Variants in RTN1 observed in about 807,000 individuals in gnomAD.
The protein encoded by RTN1 is reticulon-1.
Under a neutral mutation model 65.5 loss-of-function variants are expected in RTN1, and 25 were observed. The ratio of observed to expected loss-of-function variants is 0.38; its 90% CI spans 0.28 to 0.53. RTN1 has a LOEUF of 0.53. Ranked by LOEUF, RTN1 falls within the 20% of genes least tolerant of loss-of-function variation. RTN1 has a pLI of 0.79. For missense variants in RTN1, 983 were observed against 1,025.4 expected, an observed-to-expected ratio of 0.96 and a Z score of 0.57; for synonymous variants, 471 against 447.6, an observed-to-expected ratio of 1.05 and a Z score of -0.66.
Position 59,656,314 on chromosome 14 carries a change from A to G in RTN1, c.1766-48822T>C, listed in dbSNP as rs1594657353. Among the ~76,000 whole-genome samples, 10 of 152,338 alleles carry G rather than the reference A, an allele frequency of 6.6e-5. No homozygotes were observed. The South Asian group carries it at 1.9e-3, about 28-fold the overall frequency. On this transcript the variant is annotated intron_variant, in intron 3 of 8. Transcript: ENST00000267484. ...AACTGCATAACTTTGTGAATATGCT[A>G]AAAACTACTGAACTTTTAAAAGGGT...
At chr14:59,823,586 C>T (rs564873178) in intron 1 of RTN1, among the ~76,000 whole-genome samples, 2 of 152,230 alleles carry the variant, frequency 1.3e-5, no homozygotes, top group South Asian at 4.1e-4. Context: ...CTTAAGGATG[C>T]TGAATATAGG....
rs112630773 is a variant in RTN1 at position 59,682,758 on chromosome 14, G to A, written c.1765+44161C>T. Reference sequence around the variant, plus strand: ...TTGCTAAAAAAGGCTTTGAGAATATGATTTGATAATTTATGAGTTTCCTCA... The same window carrying A: ...TTGCTAAAAAAGGCTTTGAGAATATAATTTGATAATTTATGAGTTTCCTCA... On this transcript the variant is annotated intron_variant, in intron 3 of 8. Transcript: ENST00000267484. Among the ~76,000 whole-genome samples, 615 of 152,260 alleles carry A rather than the reference G, an allele frequency of 4.0e-3. 4 individuals are homozygous for A. Among genetic ancestry groups the A allele is most frequent in the African/African-American group, 0.014 (597 of 41,546 alleles).
chr14:59,842,204 A>T (rs34311671), intron 1 of RTN1, among the ~76,000 whole-genome samples: 37,803 of 151,996 alleles, frequency 0.25, 4,988 homozygotes, highest in East Asian at 0.55. Flanking sequence ...GTGTTAGCAT[A>T]ATTTTATAAT....
intron 3 of RTN1, among the ~76,000 whole-genome samples, chr14:59,698,111 T>C (rs1884102283): frequency 6.6e-6 from 1 of 152,148 alleles, no homozygotes; most frequent in Admixed American, 6.5e-5. Flanking sequence ...GTAACATCAA[T>C]ATGAGATAAA....
At chr14:59,671,167 G>T (rs1381491179) in intron 3 of RTN1, among the ~76,000 whole-genome samples, 2 of 152,168 alleles carry the variant, frequency 1.3e-5, no homozygotes, top group African/African-American at 2.4e-5. Flanking sequence ...GTCTTGTAAA[G>T]ACACATCAAA....
At chr14:59,696,837 TA>T (rs772162536) in intron 3 of RTN1, among the ~76,000 whole-genome samples, 5 of 152,274 alleles carry the variant, frequency 3.3e-5, no homozygotes, top group Admixed American at 6.5e-5. Flanking sequence ...TCTTGGTCCC[TA>T]AACTCCAAAT....
chr14:59,799,421 G>T (rs1355280613), intron 1 of RTN1, among the ~76,000 whole-genome samples: 4 of 152,194 alleles, frequency 2.6e-5, no homozygotes, highest in African/African-American at 9.7e-5. Flanking sequence ...AGGGCCATCA[G>T]AGAGTTGAGG....
chr14:59,733,089 T>TC (rs57750954), intron 2 of RTN1, among the ~76,000 whole-genome samples: 4,987 of 150,764 alleles, frequency 0.033, 298 homozygotes, highest in African/African-American at 0.11. Flanking sequence ...CTTTTTTTTT[T>TC]TTTCTTTCTT....
intron 1 of RTN1, among the ~76,000 whole-genome samples, chr14:59,827,369 C>T (rs1887051520): frequency 6.6e-6 from 1 of 152,142 alleles, no homozygotes; most frequent in South Asian, 2.1e-4. Flanking sequence ...TGAGCCACCG[C>T]GCCCCGCTGT....
chr14:59,843,900 TA>T (rs1331271154), intron 1 of RTN1, among the ~76,000 whole-genome samples: 7 of 152,136 alleles, frequency 4.6e-5, no homozygotes, highest in African/African-American at 1.7e-4. Context: ...TTAAAGGCAC[TA>T]GGGGAAAAAA....
chr14:59,626,341 GA>G (rs1327737285), intron 3 of RTN1, among the ~76,000 whole-genome samples: 1 of 152,140 alleles, frequency 6.6e-6, no homozygotes, highest in Non-Finnish European at 1.5e-5. Context: ...ATGCTCTCTG[GA>G]AAGTGTTTCA....
chr14:59,783,157 T>C (rs1335485294), intron 1 of RTN1, among the ~76,000 whole-genome samples: 1 of 152,200 alleles, frequency 6.6e-6, no homozygotes, highest in Non-Finnish European at 1.5e-5. Flanking sequence ...CAAATCTATA[T>C]GTTGATCCCT....
intron 3 of RTN1, among the ~76,000 whole-genome samples, chr14:59,706,799 T>G (rs976336238): frequency 6.6e-6 from 1 of 152,250 alleles, no homozygotes; most frequent in Non-Finnish European, 1.5e-5. Context: ...AGAAGGGCGC[T>G]GGACATCTTA....
At chr14:59,822,552 C>A (rs1283636948) in intron 1 of RTN1, among the ~76,000 whole-genome samples, 1 of 152,122 alleles carries the variant, frequency 6.6e-6, no homozygotes, top group Admixed American at 6.5e-5. Flanking sequence ...CTTCTCCAAG[C>A]TTTGGGGTTG....
chr14:59,714,028 G>T (rs1456158712), intron 3 of RTN1, among the ~76,000 whole-genome samples: 1 of 152,146 alleles, frequency 6.6e-6, no homozygotes, highest in Non-Finnish European at 1.5e-5. Flanking sequence ...GAGGTCAGGA[G>T]TTCCAGGCCA....
intron 3 of RTN1, among the ~76,000 whole-genome samples, chr14:59,701,371 A>C (rs1884174166): frequency 6.6e-6 from 1 of 152,220 alleles, no homozygotes; most frequent in South Asian, 2.1e-4. Context: ...CCTGTACATG[A>C]ATGGTCATAG....
chr14:59,732,469 G>A (rs1200583445), intron 2 of RTN1, among the ~76,000 whole-genome samples: 1 of 152,190 alleles, frequency 6.6e-6, no homozygotes, highest in East Asian at 1.9e-4. Flanking sequence ...GAAAAGCAGG[G>A]CAGGGTGACA....
chr14:59,734,650 A>G (rs1884968218), intron 2 of RTN1, among the ~76,000 whole-genome samples: 2 of 152,236 alleles, frequency 1.3e-5, no homozygotes. Context: ...CTTGAAGAGT[A>G]TCTTTCTGAA....
intron 2 of RTN1, 95 bp downstream of exon 2, chr14:59,745,613 G>A: frequency 9.2e-7 from 1 of 1,092,458 alleles, no homozygotes; most frequent in Non-Finnish European, 1.3e-6. Flanking sequence ...AGTAAAGTAT[G>A]TTGAATGAAA....
Sources: gnomAD v4.1 joint callset for allele counts (sites outside exome capture counted in the v4.1 genomes callset) on GRCh38, gnomAD v4.1.1 for gene constraint, MANE v1.5 for transcripts, NCBI Gene and HGNC (gene_info 2026-07-23, HGNC 2026-07-21) for gene names.